The following ERLIN1 variants were observed in gnomAD, a reference collection of about 807,000 sequenced individuals.
The protein encoded by ERLIN1 is ER lipid raft associated 1.
A neutral mutation model predicts 46.9 loss-of-function variants in ERLIN1; 24 were observed. The ratio of observed to expected loss-of-function variants is 0.51; its 90% confidence interval spans 0.37 to 0.72. The LOEUF is 0.72. ERLIN1 is among the 30% of genes least tolerant of loss of function. ERLIN1 has a pLI of 0.00. For synonymous variants in ERLIN1, 158 were observed against 143.2 expected (o/e 1.10, Z -0.74); for missense variants, 293 against 417.9 (o/e 0.70, Z 2.61).
chr10:100,179,361 C>T lies in ERLIN1; in HGVS notation c.196-114G>A, dbSNP rs568548300. On this transcript the variant is annotated intron_variant, in intron 2 of 10. Transcript: ENST00000421367. Reference sequence around the variant, plus strand: ...GACAGTAAGTACAGCAGAGATCCATCACAATTTCAGTTCCCAAAGATTAGC... The same window carrying T: ...GACAGTAAGTACAGCAGAGATCCATTACAATTTCAGTTCCCAAAGATTAGC... 30 of 632,950 alleles carry T rather than the reference C, an allele frequency of 4.7e-5. No homozygotes were observed. In the South Asian group the frequency reaches 5.9e-4, roughly 12 times the overall value. 39.2% of individuals were successfully genotyped at this position (632,950 alleles called of 1,614,324 possible). A position where few individuals can be genotyped will look rare whatever the true frequency, so the allele number is the denominator to read the frequency against.
chr10:100,166,510 A>G (rs1341518663), intron 7 of ERLIN1, among the ~76,000 whole-genome samples: 1 of 152,156 alleles, frequency 6.6e-6, no homozygotes, highest in Non-Finnish European at 1.5e-5. Flanking sequence ...AATATAAAAG[A>G]AGAAAAAAAC....
Position 100,151,775 on chromosome 10 carries a change from G to A in ERLIN1, c.*356C>T, listed in dbSNP as rs1045992588. ...TGGCTGAGCATACATTTCCCCGGGGGACGAATGTAAACATTATTCAACAGA... is the reference window on the plus strand; with the variant it reads ...TGGCTGAGCATACATTTCCCCGGGGAACGAATGTAAACATTATTCAACAGA... On this transcript the variant is annotated 3_prime_UTR_variant, in exon 11 of 11. Coordinates refer to ENST00000421367, the MANE Select transcript of ERLIN1 (RefSeq NM_006459.4). 4 of 330,152 alleles carry A rather than the reference G, an allele frequency of 1.2e-5. No homozygotes were observed. The highest frequency in any genetic ancestry group is 7.8e-5 in the South Asian group (3 of 38,358). 20.5% of individuals were successfully genotyped at this position (330,152 alleles called of 1,614,324 possible). A position where few individuals can be genotyped will look rare whatever the true frequency, so the allele number is the denominator to read the frequency against.
At chr10:100,180,954 A>G (rs1238827038) in intron 2 of ERLIN1, among the ~76,000 whole-genome samples, 1 of 152,232 alleles carries the variant, frequency 6.6e-6, no homozygotes, top group Non-Finnish European at 1.5e-5. Context: ...TACTTGGTTG[A>G]TATAAAATTC....
At chr10:100,168,918 A>C (rs1396182581) in intron 6 of ERLIN1, among the ~76,000 whole-genome samples, 2 of 152,142 alleles carry the variant, frequency 1.3e-5, no homozygotes, top group African/African-American at 4.8e-5. Context: ...TCCTGAACTC[A>C]GGTGATCCAA....
chr10:100,175,053 T>G lies in ERLIN1; in HGVS notation c.431-772A>C, dbSNP rs565109923. 2.6e-5 allele frequency among the ~76,000 whole-genome samples: 4 copies of G among 152,310 alleles called. No homozygotes were observed. The East Asian group carries it at 7.7e-4, about 29-fold the overall frequency. On this transcript the variant is annotated intron_variant, in intron 5 of 10. Coordinates refer to ENST00000421367, the MANE Select transcript of ERLIN1 (RefSeq NM_006459.4). ...TTATTCCTTCATCTTAGAAATTCACTAAAAATTTCAGGAGGGAAAAGTGAG... is the reference window on the plus strand; with the variant it reads ...TTATTCCTTCATCTTAGAAATTCACGAAAAATTTCAGGAGGGAAAAGTGAG...
At position 100,174,279 on chromosome 10, in the gene ERLIN1, G is replaced by C. The variant is rs1252888140; in HGVS notation, c.433C>G (p.Gln145Glu). 1 of 1,555,014 alleles carries C rather than the reference G, an allele frequency of 6.4e-7. No individual in the cohort carries two copies. The highest frequency in any genetic ancestry group is 1.4e-5 in the African/African-American group (1 of 73,392). The change falls in exon 6 of 11, where the codon CAA becomes GAA. Residue 145 changes from glutamine (Q) to glutamate (E), a missense_variant and splice_region_variant. By Grantham distance (29) the Gln-to-Glu change is conservative (BLOSUM62 2). Coordinates refer to ENST00000421367, the MANE Select transcript of ERLIN1 (RefSeq NM_006459.4). ...GCTTGCTTCAGGTTTTCATCTATTT[G>C]ATCTGTTTTTTAAGCCAAGAACAAC... ...LQEVYIELFD[Q>E]IDENLKQALQ...
chr10:100,169,403 A>C (rs1387639302), intron 6 of ERLIN1, among the ~76,000 whole-genome samples: 1 of 150,718 alleles, frequency 6.6e-6, no homozygotes, highest in Admixed American at 6.6e-5. Context: ...TCACTCCCTT[A>C]AATAACATAG....
chr10:100,164,402 T>TC (rs1843522429), intron 7 of ERLIN1, among the ~76,000 whole-genome samples: 1 of 152,230 alleles, frequency 6.6e-6, no homozygotes, highest in Non-Finnish European at 1.5e-5. Flanking sequence ...TATCAATACT[T>TC]CCTTTGCTGT....
At chr10:100,166,992 T>C (rs574950623) in intron 7 of ERLIN1, among the ~76,000 whole-genome samples, 1 of 152,232 alleles carries the variant, frequency 6.6e-6, no homozygotes, top group Non-Finnish European at 1.5e-5. Flanking sequence ...AAACAAAATA[T>C]GAGCACTCTC....
chr10:100,170,464 A>T (rs1462310070), intron 6 of ERLIN1, among the ~76,000 whole-genome samples: 1 of 152,242 alleles, frequency 6.6e-6, no homozygotes, highest in Non-Finnish European at 1.5e-5. Flanking sequence ...TTATAAAAAC[A>T]GCAAATAAAT....
intron 2 of ERLIN1, among the ~76,000 whole-genome samples, chr10:100,182,456 A>G (rs1488045404): frequency 5.3e-5 from 8 of 152,304 alleles, no homozygotes; most frequent in African/African-American, 1.7e-4. Context: ...AGTCTATGAC[A>G]GTTAAGCAAT....
chr10:100,174,661 C>T (rs1173112126), intron 5 of ERLIN1, among the ~76,000 whole-genome samples: 1 of 152,154 alleles, frequency 6.6e-6, no homozygotes, highest in Non-Finnish European at 1.5e-5. Flanking sequence ...TAATTCAGGG[C>T]TCTTACTCAA....
At chr10:100,157,861 A>G (rs997596015) in intron 8 of ERLIN1, among the ~76,000 whole-genome samples, 11 of 152,256 alleles carry the variant, frequency 7.2e-5, no homozygotes, top group African/African-American at 2.4e-4. Flanking sequence ...ATCAATAAAA[A>G]GCACGACCAG....
intron 8 of ERLIN1, among the ~76,000 whole-genome samples, chr10:100,162,900 C>A (rs184972828): frequency 3.9e-4 from 60 of 152,260 alleles, no homozygotes; most frequent in African/African-American, 1.3e-3. Flanking sequence ...TGGAAACCTG[C>A]ACATGTACAC....
chr10:100,154,768 G>A, intron 10 of ERLIN1, 92 bp downstream of exon 10: 1 of 991,534 alleles, frequency 1.0e-6, no homozygotes, highest in Non-Finnish European at 1.6e-6. Flanking sequence ...CTTGACAATG[G>A]ATAAAATCAC....
chr10:100,152,068 T>C lies in ERLIN1; in HGVS notation c.*63A>G, dbSNP rs1842829172. 3.0e-6 allele frequency: 3 copies of C among 998,376 alleles called. No individual in the cohort carries two copies. The highest frequency in any genetic ancestry group is 4.8e-6 in the Non-Finnish European group (3 of 625,190). 61.8% of individuals were successfully genotyped at this position (998,376 alleles called of 1,614,324 possible). A position where few individuals can be genotyped will look rare whatever the true frequency, so the allele number is the denominator to read the frequency against. ...CTGTAAATCTGAAGAGTCCGTATAA[T>C]GATTGTTCCCACTTAACCCCTTGGG... is the stretch of plus-strand genomic sequence containing the variant. On this transcript the variant is annotated 3_prime_UTR_variant, in exon 11 of 11. Coordinates refer to ENST00000421367, the MANE Select transcript of ERLIN1 (RefSeq NM_006459.4).
rs1842817857 is a variant in ERLIN1, at chr10:100,151,894, T to C, written c.*237A>G. ...GCATCAGACTTTCCTCATTCATGAG[T>C]AGCAGTTTAGAAAGGAATACATATA... On this transcript the variant is annotated 3_prime_UTR_variant, in exon 11 of 11. Transcript: ENST00000421367. 7.3e-6 allele frequency: 4 copies of C among 545,100 alleles called. No homozygotes were observed. Among genetic ancestry groups the C allele is most frequent in the Non-Finnish European group, 6.7e-6 (2 of 300,354 alleles). The allele number at this position is 545,100 out of a possible 1,614,324, so 33.8% of individuals were successfully genotyped here. A position where few individuals can be genotyped will look rare whatever the true frequency, so the allele number is the denominator to read the frequency against.
intron 3 of ERLIN1, among the ~76,000 whole-genome samples, chr10:100,178,560 C>T (rs1470457955): frequency 6.6e-6 from 1 of 152,202 alleles, no homozygotes; most frequent in Non-Finnish European, 1.5e-5. Flanking sequence ...ATCAGCATCA[C>T]CCAGGAACTT....
intron 5 of ERLIN1, among the ~76,000 whole-genome samples, chr10:100,175,740 C>T (rs908772002): frequency 6.6e-5 from 10 of 152,104 alleles, no homozygotes; most frequent in Non-Finnish European, 1.2e-4. Flanking sequence ...AAACAGAATA[C>T]AGTCTGAGTA....
Sources: allele counts gnomAD v4.1 joint callset (sites outside exome capture counted in the v4.1 genomes callset), GRCh38; gene constraint gnomAD v4.1.1; transcripts MANE v1.5; gene names NCBI Gene and HGNC (gene_info 2026-07-23, HGNC 2026-07-21).